RAPGEF4: variants seen among roughly 807,000 people sequenced by gnomAD.
RAPGEF4 encodes the protein Rap guanine nucleotide exchange factor 4.
RAPGEF4 carries 66 observed loss-of-function variants against 147.9 expected under a neutral mutation model. The observed-to-expected ratio is 0.45, with a 90% CI of 0.37 to 0.55. The LOEUF (loss-of-function observed/expected upper bound fraction) is 0.55. RAPGEF4 is among the 20% of genes least tolerant of loss of function. The pLI, the probability that RAPGEF4 is intolerant of heterozygous loss-of-function variation, is 0.00. For missense variants in RAPGEF4, 1,071 were observed against 1,257.3 expected, an observed-to-expected ratio of 0.85 and a Z score of 2.24; for synonymous variants, 419 against 442.7, an observed-to-expected ratio of 0.95 and a Z score of 0.67.
intron 22 of RAPGEF4, among the ~76,000 whole-genome samples, chr2:173,019,520 C>CTAGAG (rs1474817809): frequency 1.3e-5 from 2 of 152,170 alleles, no homozygotes; most frequent in East Asian, 3.8e-4. Context: ...TAGTGAGAGA[C>CTAGAG]TAGAGGAAGC....
intron 4 of RAPGEF4, among the ~76,000 whole-genome samples, chr2:172,863,797 T>C (rs765800331): frequency 2.6e-5 from 4 of 152,218 alleles, no homozygotes; most frequent in Non-Finnish European, 4.4e-5. Flanking sequence ...TAAACATATT[T>C]AGGCTCCTTT....
At chr2:172,766,342 G>A (rs528404435) in intron 1 of RAPGEF4, among the ~76,000 whole-genome samples, 2 of 152,152 alleles carry the variant, frequency 1.3e-5, no homozygotes, top group African/African-American at 2.4e-5. Flanking sequence ...CCTTGAGGCC[G>A]GGAGTTCGAG....
chr2:172,870,419 C>A (rs1329432975), intron 4 of RAPGEF4, among the ~76,000 whole-genome samples: 1 of 152,086 alleles, frequency 6.6e-6, no homozygotes, highest in Non-Finnish European at 1.5e-5. Context: ...TTGTGGAGAC[C>A]TTTATGCTTC....
At chr2:172,892,802 G>T (rs1036027257) in intron 4 of RAPGEF4, among the ~76,000 whole-genome samples, 1 of 152,134 alleles carries the variant, frequency 6.6e-6, no homozygotes, top group Non-Finnish European at 1.5e-5. Flanking sequence ...CTGCTTTCAC[G>T]TTCTGCTTTC....
chr2:173,000,768 CT>C (rs988141452), intron 16 of RAPGEF4, among the ~76,000 whole-genome samples: 2 of 109,316 alleles, frequency 1.8e-5, no homozygotes, highest in Admixed American at 1.0e-4. Flanking sequence ...TTTTTTTTTG[CT>C]GCTTCTTTCT....
chr2:173,011,659 A>G (rs1042298327), intron 17 of RAPGEF4, among the ~76,000 whole-genome samples: 1 of 152,108 alleles, frequency 6.6e-6, no homozygotes, highest in Non-Finnish European at 1.5e-5. Context: ...TGCCCATTGT[A>G]TCACCAGAAC....
At chr2:172,919,534 C>A (rs1017610615) in intron 5 of RAPGEF4, among the ~76,000 whole-genome samples, 1 of 151,984 alleles carries the variant, frequency 6.6e-6, no homozygotes, top group South Asian at 2.1e-4. Context: ...GGTACTTCTT[C>A]CCCCGCTTAT....
At chr2:172,853,244 A>G (rs1027355997) in intron 4 of RAPGEF4, among the ~76,000 whole-genome samples, 35 of 152,046 alleles carry the variant, frequency 2.3e-4, no homozygotes, top group Admixed American at 2.3e-3. Flanking sequence ...TTGATAGAAT[A>G]CCATGAAACC....
chr2:172,843,003 A>G (rs1485955516), intron 4 of RAPGEF4, among the ~76,000 whole-genome samples: 1 of 152,112 alleles, frequency 6.6e-6, no homozygotes, highest in Non-Finnish European at 1.5e-5. Flanking sequence ...AAGCTAAGGA[A>G]TCTGGATTTA....
At chr2:173,043,574 A>G (rs1488104307) in intron 29 of RAPGEF4, among the ~76,000 whole-genome samples, 1 of 152,226 alleles carries the variant, frequency 6.6e-6, no homozygotes, top group Admixed American at 6.5e-5. Flanking sequence ...GGGAACTTGG[A>G]CTAGGGCACA....
At chr2:172,819,461 C>CTTTTTTTTTTTTTTTTTTTTT (rs1242605865) in intron 4 of RAPGEF4, among the ~76,000 whole-genome samples, 2 of 87,014 alleles carry the variant, frequency 2.3e-5, no homozygotes, top group Non-Finnish European at 4.1e-5. Context: ...ATTTTTAGTT[C>CTTTTTTTTTTTTTTTTTTTTT]TTTTTTTTTT....
chr2:172,809,419 G>C (rs1407664451), intron 3 of RAPGEF4, among the ~76,000 whole-genome samples: 1 of 152,218 alleles, frequency 6.6e-6, no homozygotes, highest in Non-Finnish European at 1.5e-5. Context: ...TACCCAGCAG[G>C]TTATCAAGGC....
At chr2:172,894,893 G>A (rs184233804) in intron 4 of RAPGEF4, among the ~76,000 whole-genome samples, 3 of 152,176 alleles carry the variant, frequency 2.0e-5, no homozygotes, top group South Asian at 4.1e-4. Context: ...TGAACATTGC[G>A]TAGTAATTAT....
rs141872383 is a variant in RAPGEF4 at position 172,891,045 on chromosome 2, C to T, written c.445-26757C>T. ...ACGTGGGAGGCTGAGGCATGAGAAT[C>T]GCTTGAACCTGGGAGGTGGAGGTTG... On this transcript the variant is annotated intron_variant, in intron 4 of 30. Transcript: ENST00000397081. Among the ~76,000 whole-genome samples the T allele has an allele frequency of 2.4e-4, 36 of 152,216 alleles. 1 individual carries two copies. Among genetic ancestry groups the T allele is most frequent in the African/African-American group, 7.5e-4 (31 of 41,550 alleles).
intron 27 of RAPGEF4, among the ~76,000 whole-genome samples, chr2:173,035,825 A>G (rs1021205633): frequency 4.6e-5 from 7 of 152,378 alleles, no homozygotes; most frequent in African/African-American, 1.7e-4. Flanking sequence ...GACAATTATA[A>G]GGAAGAGAAA....
At chr2:172,747,128 G>A (rs1212212108) in intron 1 of RAPGEF4, among the ~76,000 whole-genome samples, 2 of 152,176 alleles carry the variant, frequency 1.3e-5, no homozygotes, top group African/African-American at 4.8e-5. Flanking sequence ...CTGGATGAAG[G>A]CATTAATGTT....
At chr2:172,921,349 A>G (rs1434438635) in intron 5 of RAPGEF4, among the ~76,000 whole-genome samples, 1 of 151,906 alleles carries the variant, frequency 6.6e-6, no homozygotes, top group African/African-American at 2.4e-5. Flanking sequence ...CAGCCTCCCA[A>G]AGTTCTGGGA....
intron 3 of RAPGEF4, among the ~76,000 whole-genome samples, chr2:172,809,933 T>C (rs1418564889): frequency 6.6e-6 from 1 of 152,184 alleles, no homozygotes; most frequent in African/African-American, 2.4e-5. Flanking sequence ...GATCTCAATA[T>C]TGGAATTGGA....
intron 4 of RAPGEF4, among the ~76,000 whole-genome samples, chr2:172,888,527 G>T (rs1308193343): frequency 6.6e-6 from 1 of 152,244 alleles, no homozygotes; most frequent in Non-Finnish European, 1.5e-5. Flanking sequence ...GTAGGAAGCA[G>T]ATTAGAAAAG....
Sources: allele counts gnomAD v4.1 joint callset (sites outside exome capture counted in the v4.1 genomes callset), GRCh38; gene constraint gnomAD v4.1.1; transcripts MANE v1.5; gene names NCBI Gene and HGNC (gene_info 2026-07-23, HGNC 2026-07-21).